NAV3: variants seen among roughly 807,000 people sequenced by gnomAD.
The protein encoded by NAV3 is neuron navigator 3.
Under a neutral mutation model 244.7 loss-of-function variants are expected in NAV3, and 87 were observed. The ratio of observed to expected loss-of-function variants is 0.36; its 90% CI spans 0.30 to 0.42. The LOEUF (loss-of-function observed/expected upper bound fraction) is 0.42, where lower values mean the gene tolerates loss of function less well. NAV3 is among the 20% of genes least tolerant of loss of function. NAV3 has a pLI of 1.00. For synonymous variants in NAV3, 1,126 were observed against 1,042.2 expected (o/e 1.08, Z -1.55); for missense variants, 2,663 against 2,893.3 (o/e 0.92, Z 1.83).
At chr12:77,662,633 A>G (rs1315933411) in intron 2 of NAV3, among the ~76,000 whole-genome samples, 1 of 152,110 alleles carries the variant, frequency 6.6e-6, no homozygotes, top group African/African-American at 2.4e-5. Flanking sequence ...AAATTTCTCC[A>G]GAGTATTATG....
At chr12:78,109,383 A>G (rs933504830) in intron 12 of NAV3, among the ~76,000 whole-genome samples, 19 of 152,114 alleles carry the variant, frequency 1.2e-4, no homozygotes, top group African/African-American at 4.1e-4. Flanking sequence ...CATGCAAAGA[A>G]GAATACCAGT....
chr12:77,956,760 G>A (rs967689264), intron 3 of NAV3, among the ~76,000 whole-genome samples: 2 of 145,388 alleles, frequency 1.4e-5, no homozygotes, highest in African/African-American at 2.6e-5. Context: ...TTATTTATTT[G>A]AGACAGAGTC....
intron 17 of NAV3, 108 bp from the exon 18 acceptor site, chr12:78,128,598 T>A (rs538324601): frequency 1.6e-5 from 18 of 1,132,150 alleles, no homozygotes; most frequent in Non-Finnish European, 2.1e-5. Flanking sequence ...TTCAATCTGT[T>A]TGAAATTGTT....
chr12:77,940,648 CA>C (rs1889781852), intron 2 of NAV3, among the ~76,000 whole-genome samples: 2 of 152,178 alleles, frequency 1.3e-5, no homozygotes. Context: ...TCTTTATATA[CA>C]TAAACTTGCT....
At chr12:77,725,828 A>G (rs551793169) in intron 2 of NAV3, among the ~76,000 whole-genome samples, 2 of 152,030 alleles carry the variant, frequency 1.3e-5, no homozygotes, top group East Asian at 3.9e-4. Flanking sequence ...TTCCTTCTGG[A>G]AGATCTGTGG....
At chr12:77,592,465 C>A (rs1408630070) in intron 2 of NAV3, among the ~76,000 whole-genome samples, 1 of 152,150 alleles carries the variant, frequency 6.6e-6, no homozygotes, top group Non-Finnish European at 1.5e-5. Flanking sequence ...CTTTTTGTGT[C>A]ACTCTGAAGC....
intron 2 of NAV3, among the ~76,000 whole-genome samples, chr12:77,691,675 T>C (rs1875040008): frequency 6.6e-6 from 1 of 151,800 alleles, no homozygotes; most frequent in Non-Finnish European, 1.5e-5. Flanking sequence ...ATGGTGTACC[T>C]TTATTAAGGT....
intron 2 of NAV3, among the ~76,000 whole-genome samples, chr12:77,794,575 G>T (rs527695916): frequency 6.6e-6 from 1 of 152,268 alleles, no homozygotes; most frequent in Non-Finnish European, 1.5e-5. Context: ...ACTTCCTTGT[G>T]TTGTGCTTTG....
At chr12:77,796,415 C>T (rs1436017027) in intron 2 of NAV3, among the ~76,000 whole-genome samples, 3 of 152,138 alleles carry the variant, frequency 2.0e-5, no homozygotes, top group African/African-American at 4.8e-5. Context: ...GGAGTTGCTA[C>T]TTACAGATGA....
intron 2 of NAV3, among the ~76,000 whole-genome samples, chr12:77,630,836 C>G (rs1871861676): frequency 6.6e-6 from 1 of 152,162 alleles, no homozygotes; most frequent in Admixed American, 6.5e-5. Context: ...CTTTCACCCT[C>G]TGAATGCTAG....
At chr12:78,193,670 T>A (rs1959078512) in intron 34 of NAV3, among the ~76,000 whole-genome samples, 1 of 152,156 alleles carries the variant, frequency 6.6e-6, no homozygotes, top group African/African-American at 2.4e-5. Flanking sequence ...ATCATGAAGT[T>A]ATTTCAAGGG....
rs145272081 is a variant in NAV3, at chr12:78,115,273, T to C, written c.2637-1499T>C. ...GTTTATTCAGTGTGCATGGATTAAT[T>C]TGAGAGAGCACAGGTATGGGTATCT... is the stretch of plus-strand genomic sequence containing the variant. On this transcript the variant is annotated intron_variant, in intron 12 of 39. Coordinates refer to ENST00000397909, the MANE Select transcript of NAV3 (RefSeq NM_001024383.2). Among the ~76,000 whole-genome samples the C allele has an allele frequency of 1.4e-3, 218 of 152,268 alleles. 1 individual carries two copies. Among genetic ancestry groups the C allele is most frequent in the Non-Finnish European group, 1.8e-3 (122 of 68,014 alleles).
At chr12:77,649,540 A>G (rs192083695) in intron 2 of NAV3, among the ~76,000 whole-genome samples, 100 of 152,282 alleles carry the variant, frequency 6.6e-4, no homozygotes, top group African/African-American at 2.3e-3. Flanking sequence ...CTAAAAGTAC[A>G]ACTCAACATA....
At chr12:77,725,620 C>T (rs1399814607) in intron 2 of NAV3, among the ~76,000 whole-genome samples, 1 of 150,096 alleles carries the variant, frequency 6.7e-6, no homozygotes, top group Non-Finnish European at 1.5e-5. Flanking sequence ...GCAAACCATT[C>T]AAAATTTGGA....
chr12:77,783,801 A>G (rs1298973871), intron 2 of NAV3, among the ~76,000 whole-genome samples: 1 of 152,158 alleles, frequency 6.6e-6, no homozygotes, highest in African/African-American at 2.4e-5. Flanking sequence ...TGCAGATTCT[A>G]TGTGACTGAG....
At chr12:77,876,335 G>A (rs2136532611) in intron 1 of NAV3, among the ~76,000 whole-genome samples, 1 of 152,144 alleles carries the variant, frequency 6.6e-6, no homozygotes, top group South Asian at 2.1e-4. Flanking sequence ...TTTTGACAGA[G>A]TTTAATGCAC....
chr12:77,571,965 T>G (rs1369983243), exon 2 of NAV3: 1 of 152,100 alleles, frequency 6.6e-6, no homozygotes, highest in African/African-American at 2.4e-5. Flanking sequence ...TTTTGAGGAG[T>G]CAGCATTTAA....
chr12:77,729,340 C>T (rs889289841), intron 2 of NAV3, among the ~76,000 whole-genome samples: 3 of 151,874 alleles, frequency 2.0e-5, no homozygotes, highest in Admixed American at 1.3e-4. Context: ...GTTTTAATGG[C>T]AAGGAAGGCA....
chr12:77,605,071 T>G (rs1318986684), intron 2 of NAV3, among the ~76,000 whole-genome samples: 1 of 152,094 alleles, frequency 6.6e-6, no homozygotes, highest in Non-Finnish European at 1.5e-5. Context: ...GGCTATATCT[T>G]GATTCATGAT....
Sources: allele counts gnomAD v4.1 joint callset (sites outside exome capture counted in the v4.1 genomes callset), GRCh38; gene constraint gnomAD v4.1.1; transcripts MANE v1.5; gene names NCBI Gene and HGNC (gene_info 2026-07-23, HGNC 2026-07-21).